The following RNLS variants were observed in gnomAD, a reference collection of about 807,000 sequenced individuals.
RNLS encodes renalase, FAD dependent amine oxidase.
In RNLS, 39 loss-of-function variants were observed where a neutral mutation model predicts 39.8. That is an observed-to-expected ratio of 0.98 (90% CI 0.76 to 1.28). The LOEUF is 1.28. RNLS is among the 50% of genes most tolerant of loss of function. The pLI, the probability that RNLS is intolerant of heterozygous loss-of-function variation, is 0.00. For synonymous variants in RNLS, 147 were observed against 150.7 expected (o/e 0.98, Z 0.18); for missense variants, 410 against 413.3 (o/e 0.99, Z 0.07).
chr10:88,410,999 C>T (rs1743788501), intron 4 of RNLS, among the ~76,000 whole-genome samples: 1 of 152,124 alleles, frequency 6.6e-6, no homozygotes, highest in African/African-American at 2.4e-5. Flanking sequence ...CCTCTTGGTG[C>T]TGTTACATGG....
chr10:88,245,016 G>A, the RNLS span, among the ~76,000 whole-genome samples: 1 of 152,130 alleles, frequency 6.6e-6, no homozygotes, highest in Non-Finnish European at 1.5e-5. Flanking sequence ...CAGATGTCAG[G>A]GGTGACTGAA....
the RNLS span, among the ~76,000 whole-genome samples, chr10:88,235,139 G>A: frequency 6.6e-6 from 1 of 151,716 alleles, no homozygotes; most frequent in Non-Finnish European, 1.5e-5. Flanking sequence ...GTGGTGGCGG[G>A]TGCCTGTAGT....
At chr10:88,499,313 T>C (rs1845339816) in intron 4 of RNLS, among the ~76,000 whole-genome samples, 1 of 152,116 alleles carries the variant, frequency 6.6e-6, no homozygotes, top group African/African-American at 2.4e-5. Flanking sequence ...TCCCATTTGT[T>C]TAACACTGTT....
intron 4 of RNLS, among the ~76,000 whole-genome samples, chr10:88,564,378 C>T (rs1849372800): frequency 6.6e-6 from 1 of 151,986 alleles, no homozygotes; most frequent in Non-Finnish European, 1.5e-5. Context: ...AGTAAAGCAT[C>T]TTTCTCTTGC....
chr10:88,573,266 C>T (rs987172534), intron 3 of RNLS, among the ~76,000 whole-genome samples: 1 of 152,148 alleles, frequency 6.6e-6, no homozygotes, highest in African/African-American at 2.4e-5. Flanking sequence ...CCTATCAGTG[C>T]CTGCTCTGAA....
chr10:88,374,327 A>C (rs1383675455), intron 4 of RNLS, among the ~76,000 whole-genome samples: 1 of 152,230 alleles, frequency 6.6e-6, no homozygotes, highest in South Asian at 2.1e-4. Context: ...CTCCTTATTA[A>C]CAAGGTATCT....
the RNLS span, among the ~76,000 whole-genome samples, chr10:88,237,874 C>T: frequency 4.1e-3 from 622 of 152,294 alleles, 15 homozygotes; most frequent in Admixed American, 0.037. Context: ...GTAGTTGAAG[C>T]GGTAACAAAA....
chr10:88,505,342 G>C (rs1404540534), intron 4 of RNLS, among the ~76,000 whole-genome samples: 1 of 151,838 alleles, frequency 6.6e-6, no homozygotes, highest in Non-Finnish European at 1.5e-5. Context: ...GAGGTAAAAA[G>C]AGGGAAAGGA....
At chr10:88,502,425 A>T (rs1366428107) in intron 4 of RNLS, among the ~76,000 whole-genome samples, 1 of 151,954 alleles carries the variant, frequency 6.6e-6, no homozygotes, top group Non-Finnish European at 1.5e-5. Flanking sequence ...TCCCAGGTTT[A>T]TCTCTCTTGC....
At chr10:88,242,946 A>AAAAC in the RNLS span, among the ~76,000 whole-genome samples, 40,636 of 149,640 alleles carry the variant, frequency 0.27, 5,903 homozygotes, top group African/African-American at 0.37. Context: ...AAACTCTGTC[A>AAAAC]AAACAAACAA....
intron 4 of RNLS, among the ~76,000 whole-genome samples, chr10:88,369,321 G>A (rs978326785): frequency 6.6e-6 from 1 of 152,150 alleles, no homozygotes; most frequent in African/African-American, 2.4e-5. Flanking sequence ...TGCCCAGGGA[G>A]ACTGGCCCCT....
In RNLS at chr10:88,443,168, G is replaced by A. The variant is rs1312654768; in HGVS notation, c.527-80443C>T. 9.2e-5 allele frequency among the ~76,000 whole-genome samples: 14 copies of A among 152,154 alleles called. No individual in the cohort carries two copies. In the East Asian group the frequency reaches 2.7e-3, roughly 29 times the overall value. ...CGCTATACAAATTTTACAATTTTAT[G>A]ACTTTTGTCCCTTTTAATTTGGGAT... is the stretch of plus-strand genomic sequence containing the variant. On this transcript the variant is annotated intron_variant, in intron 4 of 6. Coordinates refer to ENST00000331772, the MANE Select transcript of RNLS (RefSeq NM_001031709.3).
At chr10:88,577,770 A>C (rs1305130765) in intron 3 of RNLS, among the ~76,000 whole-genome samples, 3 of 152,222 alleles carry the variant, frequency 2.0e-5, no homozygotes, top group Non-Finnish European at 4.4e-5. Flanking sequence ...TAATGTGAAC[A>C]CATCGGACAA....
intron 6 of RNLS, among the ~76,000 whole-genome samples, chr10:88,294,313 T>A (rs1736868664): frequency 6.6e-6 from 1 of 152,186 alleles, no homozygotes; most frequent in South Asian, 2.1e-4. Flanking sequence ...TATTTGCATA[T>A]AGGAAACTAG....
chr10:88,182,576 CAA>C, the RNLS span, among the ~76,000 whole-genome samples: 1 of 152,014 alleles, frequency 6.6e-6, no homozygotes, highest in Non-Finnish European at 1.5e-5. Flanking sequence ...TTAAAATATT[CAA>C]AGTCTCCAGG....
At position 88,394,674 on chromosome 10, in the gene RNLS, C is replaced by T. The variant is rs369431400; in HGVS notation, c.527-31949G>A. On this transcript the variant is annotated intron_variant, in intron 4 of 6. Transcript: ENST00000331772. ...ATCTAGAACTAGAAATACCATTTGA[C>T]CCAGCCATCCCATTACTGGGTATAT... Among the ~76,000 whole-genome samples the T allele has an allele frequency of 2.0e-5, 3 of 151,916 alleles. No homozygotes were observed. In the East Asian group the frequency reaches 5.8e-4, roughly 29 times the overall value.
chr10:88,504,842 A>AGTGT (rs147390554), intron 4 of RNLS, among the ~76,000 whole-genome samples: 5,994 of 106,646 alleles, frequency 0.056, 157 homozygotes, highest in South Asian at 0.11. Context: ...AGAGAGAGAC[A>AGTGT]GAGTGTGTGT....
At chr10:88,241,941 C>T in the RNLS span, among the ~76,000 whole-genome samples, 3 of 152,158 alleles carry the variant, frequency 2.0e-5, no homozygotes, top group Admixed American at 6.5e-5. Context: ...TTACTTCCTT[C>T]TCTGCTTTGT....
At chr10:88,507,616 A>C (rs1362376037) in intron 4 of RNLS, among the ~76,000 whole-genome samples, 1 of 152,266 alleles carries the variant, frequency 6.6e-6, no homozygotes, top group East Asian at 1.9e-4. Context: ...GCACTGATGA[A>C]AGAATTGTAA....
Sources: allele counts gnomAD v4.1 joint callset (sites outside exome capture counted in the v4.1 genomes callset), GRCh38; gene constraint gnomAD v4.1.1; transcripts MANE v1.5; gene names NCBI Gene and HGNC (gene_info 2026-07-23, HGNC 2026-07-21).